GSTCD: variants seen among roughly 807,000 people sequenced by gnomAD.
GSTCD encodes the protein glutathione S-transferase C-terminal domain-containing protein.
GSTCD carries 44 observed loss-of-function variants against 68.3 expected under a neutral mutation model. That is an observed-to-expected ratio of 0.64 (90% CI 0.51 to 0.83). The LOEUF is 0.83. Ranked by LOEUF, GSTCD falls within the 40% of genes least tolerant of loss-of-function variation. The pLI, the probability that GSTCD is intolerant of heterozygous loss-of-function variation, is 0.00. For synonymous variants in GSTCD, 273 were observed against 255.2 expected, an observed-to-expected ratio of 1.07 and a Z score of -0.67; for missense variants, 739 against 735.9, an observed-to-expected ratio of 1.00 and a Z score of -0.05.
intron 3 of GSTCD, among the ~76,000 whole-genome samples, 193 bp downstream of exon 3, chr4:105,719,720 T>A (rs1215715345): frequency 2.0e-5 from 3 of 152,200 alleles, no homozygotes; most frequent in Non-Finnish European, 4.4e-5. Context: ...AGGAACAAAT[T>A]AAAGTTTGTG....
intron 5 of GSTCD, among the ~76,000 whole-genome samples, chr4:105,753,032 G>A (rs1379094017): frequency 1.3e-5 from 2 of 151,906 alleles, no homozygotes; most frequent in Non-Finnish European, 2.9e-5. Context: ...TTATCTTAGG[G>A]TAGAAATATG....
chr4:105,825,500 AC>A (rs1723557466), intron 7 of GSTCD, among the ~76,000 whole-genome samples, 171 bp from the exon 8 acceptor site: 4 of 152,134 alleles, frequency 2.6e-5, no homozygotes, highest in Admixed American at 2.6e-4. Context: ...TAGTTCAAAG[AC>A]CTTTCATTTT....
At chr4:105,719,942 TA>T (rs576561430) in intron 3 of GSTCD, among the ~76,000 whole-genome samples, 210 of 143,770 alleles carry the variant, frequency 1.5e-3, no homozygotes, top group South Asian at 6.8e-3. Flanking sequence ...AGGGTGCAGT[TA>T]AAAAAAAAAA....
chr4:105,814,664 C>G (rs1645109085), intron 5 of GSTCD, among the ~76,000 whole-genome samples: 1 of 151,972 alleles, frequency 6.6e-6, no homozygotes, highest in Non-Finnish European at 1.5e-5. Context: ...ACTACCACTG[C>G]TAGGTACCAC....
At chr4:105,811,834 A>G (rs1220721073) in intron 5 of GSTCD, among the ~76,000 whole-genome samples, 2 of 152,216 alleles carry the variant, frequency 1.3e-5, no homozygotes, top group Non-Finnish European at 2.9e-5. Flanking sequence ...TTAGAAGACT[A>G]TTACAAGTGA....
chr4:105,839,678 G>A (rs1724260249), intron 10 of GSTCD, among the ~76,000 whole-genome samples: 2 of 151,526 alleles, frequency 1.3e-5, no homozygotes, highest in Non-Finnish European at 1.5e-5. Context: ...AAGAAAGAGA[G>A]GAGAAGAAAA....
chr4:105,721,436 A>G (rs1216431274), intron 3 of GSTCD, among the ~76,000 whole-genome samples: 1 of 152,150 alleles, frequency 6.6e-6, no homozygotes, highest in Non-Finnish European at 1.5e-5. Flanking sequence ...AATCAAGGTC[A>G]AGTTACCAGA....
chr4:105,815,807 C>A (rs1722954637), intron 5 of GSTCD, among the ~76,000 whole-genome samples: 1 of 152,112 alleles, frequency 6.6e-6, no homozygotes, highest in Non-Finnish European at 1.5e-5. Context: ...CTACAGTTAG[C>A]CTTTTTGTTT....
intron 5 of GSTCD, among the ~76,000 whole-genome samples, chr4:105,765,846 T>A (rs1416686791): frequency 6.6e-6 from 1 of 152,168 alleles, no homozygotes; most frequent in Non-Finnish European, 1.5e-5. Context: ...TTGTCTCTCC[T>A]GCCACCATGT....
intron 5 of GSTCD, among the ~76,000 whole-genome samples, chr4:105,752,327 TCTGTAGGGTTAGA>T (rs1734035852): frequency 6.6e-6 from 1 of 152,158 alleles, no homozygotes; most frequent in African/African-American, 2.4e-5. Flanking sequence ...TTTGTTCTCC[TCTGTAGGGTTAGA>T]CTTCAAGAAC....
chr4:105,804,860 T>C (rs1333826846), intron 5 of GSTCD, among the ~76,000 whole-genome samples: 3 of 152,094 alleles, frequency 2.0e-5, no homozygotes, highest in Non-Finnish European at 2.9e-5. Flanking sequence ...GTTGTCATCG[T>C]TCAGCTCCCG....
chr4:105,796,634 T>A (rs1007435247), intron 5 of GSTCD, among the ~76,000 whole-genome samples: 7 of 152,196 alleles, frequency 4.6e-5, no homozygotes, highest in Admixed American at 6.5e-5. Flanking sequence ...TTTTGCCAAA[T>A]TGATCATATT....
intron 5 of GSTCD, among the ~76,000 whole-genome samples, chr4:105,771,313 G>C (rs1190891347): frequency 2.0e-5 from 3 of 151,920 alleles, no homozygotes; most frequent in Non-Finnish European, 4.4e-5. Context: ...CTCCCATTCT[G>C]TAGGTTGCCT....
chr4:105,756,457 A>G (rs1421939996), intron 5 of GSTCD, among the ~76,000 whole-genome samples: 1 of 150,816 alleles, frequency 6.6e-6, no homozygotes, highest in Non-Finnish European at 1.5e-5. Context: ...GAATTTAGGA[A>G]ATTTGTGTCA....
intron 5 of GSTCD, among the ~76,000 whole-genome samples, chr4:105,775,560 G>A (rs1484419953): frequency 6.6e-6 from 1 of 152,138 alleles, no homozygotes; most frequent in Middle Eastern, 3.2e-3. Flanking sequence ...TGATGTTGAT[G>A]CTATTCCTTT....
chr4:105,756,812 T>G (rs182317588), intron 5 of GSTCD, among the ~76,000 whole-genome samples: 1 of 152,122 alleles, frequency 6.6e-6, no homozygotes, highest in East Asian at 1.9e-4. Flanking sequence ...ATCAGAAAAT[T>G]TGAGGTACCT....
chr4:105,770,738 T>C (rs1403130498), intron 5 of GSTCD, among the ~76,000 whole-genome samples: 1 of 152,212 alleles, frequency 6.6e-6, no homozygotes, highest in Non-Finnish European at 1.5e-5. Flanking sequence ...TTCCATGGTG[T>C]ATATGTGCCA....
At chr4:105,718,226 A>C (rs1732745293) in intron 2 of GSTCD, among the ~76,000 whole-genome samples, 187 bp downstream of exon 2, 1 of 152,206 alleles carries the variant, frequency 6.6e-6, no homozygotes. Context: ...TTTCATGTTG[A>C]AATGTGATCC....
At chr4:105,775,996 C>T (rs1052826723) in intron 5 of GSTCD, among the ~76,000 whole-genome samples, 1 of 152,204 alleles carries the variant, frequency 6.6e-6, no homozygotes, top group Non-Finnish European at 1.5e-5. Context: ...GAGTTTTATC[C>T]ATAAGCCCGA....
Sources: allele counts gnomAD v4.1 joint callset (sites outside exome capture counted in the v4.1 genomes callset), GRCh38; gene constraint gnomAD v4.1.1; transcripts MANE v1.5; gene names NCBI Gene and HGNC (gene_info 2026-07-23, HGNC 2026-07-21).